UGT1A10: variants seen among roughly 807,000 people sequenced by gnomAD.
The protein encoded by UGT1A10 is UDP-glucuronosyltransferase 1A10.
UGT1A10 carries 49 observed loss-of-function variants against 45.8 expected under a neutral mutation model. The observed-to-expected ratio is 1.07, with a 90% confidence interval of 0.85 to 1.36. The LOEUF (loss-of-function observed/expected upper bound fraction) is 1.36, where lower values mean the gene tolerates loss of function less well. UGT1A10 is among the 40% of genes most tolerant of loss of function. The probability of loss-of-function intolerance (pLI) is 0.00; values close to 1 mark genes in which losing one functional copy is unlikely to be tolerated. For synonymous variants in UGT1A10, 284 were observed against 249.7 expected, an observed-to-expected ratio of 1.14 and a Z score of -1.29; for missense variants, 745 against 668.6, an observed-to-expected ratio of 1.11 and a Z score of -1.26.
At chr2:233,748,014 C>A in intron 1 of UGT1A10, 1 of 1,613,488 alleles carries the variant, frequency 6.2e-7, no homozygotes, top group Non-Finnish European at 8.5e-7. Flanking sequence ...TTACCCCAGG[C>A]CGATCATGCC....
At chr2:233,765,294 GAC>G (rs1698796099) in intron 1 of UGT1A10, among the ~76,000 whole-genome samples, 1 of 152,132 alleles carries the variant, frequency 6.6e-6, no homozygotes, top group Non-Finnish European at 1.5e-5. Flanking sequence ...CTACTATAAA[GAC>G]ACATGCACAT....
chr2:233,682,919 T>C, intron 1 of UGT1A10: 1 of 1,479,824 alleles, frequency 6.8e-7, no homozygotes, highest in Non-Finnish European at 8.9e-7. Flanking sequence ...TAAGGAATTC[T>C]TTTGTACCAA....
chr2:233,760,579 A>T lies in UGT1A10; in HGVS notation c.856-6455A>T. 1.2e-6 allele frequency: 2 copies of T among 1,614,220 alleles called. No homozygotes were observed. Among genetic ancestry groups the T allele is most frequent in the Non-Finnish European group, 1.7e-6 (2 of 1,180,050 alleles). On this transcript the variant is annotated intron_variant, in intron 1 of 4. Transcript: ENST00000344644. ...AGAGTCTTTTGTTAGTCTCGGGCATAATGTTTTTGAGAATGATTCTTTCCT... is the reference window on the plus strand; with the variant it reads ...AGAGTCTTTTGTTAGTCTCGGGCATTATGTTTTTGAGAATGATTCTTTCCT...
At chr2:233,730,586 G>A (rs2078050719) in intron 1 of UGT1A10, among the ~76,000 whole-genome samples, 1 of 152,116 alleles carries the variant, frequency 6.6e-6, no homozygotes, top group Admixed American at 6.6e-5. Context: ...TTCCAGACAG[G>A]GATCTGTGCT....
rs1559330528 is a variant in UGT1A10, at chr2:233,664,481, G to A, written c.855+27104G>A. On this transcript the variant is annotated intron_variant, in intron 1 of 4. Transcript: ENST00000344644. The stretch of plus-strand genomic sequence containing the variant: ...TTTATAAATAAAAGAGGTTTAATTG[G>A]CTCAAGATTTTGCAGGCTGTACAAG... Among the ~76,000 whole-genome samples the A allele has an allele frequency of 4.6e-5, 7 of 152,146 alleles. No individual in the cohort carries two copies. The South Asian group carries it at 1.5e-3, about 32-fold the overall frequency.
At position 233,637,100 on chromosome 2, in the gene UGT1A10, A is replaced by ACT. The variant is rs2073314702; in HGVS notation, c.578_579insCT (p.Leu194PhefsTer3). 1 of 1,613,862 alleles carries ACT rather than the reference A, an allele frequency of 6.2e-7. No individual in the cohort carries two copies. The highest frequency in any genetic ancestry group is 8.5e-7 in the Non-Finnish European group (1 of 1,179,830). ...GCTCCTCTTTCCTATGTCCCCAATG[A>ACT]TCTCTTAGGGTTCTCAGATGCCATG... On this transcript the variant is annotated frameshift_variant, in exon 1 of 5. Coordinates refer to ENST00000344644, the MANE Select transcript of UGT1A10 (RefSeq NM_019075.4). LOFTEE classifies it high-confidence loss of function.
intron 1 of UGT1A10, among the ~76,000 whole-genome samples, chr2:233,642,835 T>G (rs1397477620): frequency 2.0e-5 from 3 of 152,178 alleles, no homozygotes; most frequent in Non-Finnish European, 4.4e-5. Context: ...CACATACTCT[T>G]GCTTTCTTCC....
At chr2:233,688,298 T>A (rs1218432099) in intron 1 of UGT1A10, among the ~76,000 whole-genome samples, 6 of 152,258 alleles carry the variant, frequency 3.9e-5, no homozygotes, top group Non-Finnish European at 8.8e-5. Context: ...GCATTTTTTT[T>A]ATCCATTCAT....
chr2:233,726,266 G>A (rs1303281171), intron 1 of UGT1A10, among the ~76,000 whole-genome samples: 5 of 152,134 alleles, frequency 3.3e-5, no homozygotes, highest in East Asian at 1.9e-4. Context: ...AGTGGCATGC[G>A]CCTATGGTCC....
At chr2:233,767,361 T>C (rs990880937) in intron 2 of UGT1A10, among the ~76,000 whole-genome samples, 196 bp downstream of exon 2, 19 of 152,222 alleles carry the variant, frequency 1.2e-4, no homozygotes, top group African/African-American at 3.6e-4. Flanking sequence ...TCAAATACTC[T>C]ATTAAACTAT....
chr2:233,637,052 T>C lies in UGT1A10; in HGVS notation c.530T>C (p.Leu177Pro), dbSNP rs1172948418. Reference protein sequence around the residue: ...VFTRGIFCHHLEEGAQCPAPL... With the variant: ...VFTRGIFCHHPEEGAQCPAPL... ...ACCAGGGGAATATTTTGCCACCATC[T>C]TGAAGAAGGTGCACAGTGCCCTGCT... Residue 177 changes from leucine (L) to proline (P), a missense_variant, in exon 1 of 5, where the codon CTT becomes CCT. By Grantham distance (98) the Leu-to-Pro change is moderately conservative. Coordinates refer to ENST00000344644, the MANE Select transcript of UGT1A10 (RefSeq NM_019075.4). 1 of 1,614,014 alleles carries C rather than the reference T, an allele frequency of 6.2e-7. No homozygotes were observed. Among genetic ancestry groups the C allele is most frequent in the Non-Finnish European group, 8.5e-7 (1 of 1,179,884 alleles).
intron 1 of UGT1A10, chr2:233,691,142 C>T (rs900476148): frequency 4.1e-6 from 4 of 985,690 alleles, no homozygotes; most frequent in African/African-American, 1.7e-5. Context: ...TCTAGATGAA[C>T]TGTTCTTTGA....
intron 1 of UGT1A10, among the ~76,000 whole-genome samples, chr2:233,667,321 C>T (rs1390315548): frequency 6.6e-6 from 1 of 152,162 alleles, no homozygotes; most frequent in East Asian, 1.9e-4. Context: ...GGAAAACTGG[C>T]TAGCCATTTG....
intron 1 of UGT1A10, among the ~76,000 whole-genome samples, chr2:233,757,535 A>AATGTATATATATATATATATATAT (rs1696552153): frequency 1.1e-5 from 1 of 88,312 alleles, no homozygotes; most frequent in Non-Finnish European, 2.2e-5. Context: ...GCCTGTAAGG[A>AATGTATATATATATATATATATAT]ATATATATAT....
chr2:233,757,438 T>C (rs528123504), intron 1 of UGT1A10, among the ~76,000 whole-genome samples: 24 of 151,360 alleles, frequency 1.6e-4, no homozygotes, highest in African/African-American at 5.8e-4. Flanking sequence ...AAGTCACTTC[T>C]ATACAGAAAC....
At chr2:233,762,715 C>T (rs1406790908) in intron 1 of UGT1A10, among the ~76,000 whole-genome samples, 19 of 149,510 alleles carry the variant, frequency 1.3e-4, no homozygotes, top group Middle Eastern at 3.4e-3. Flanking sequence ...GTATTTTACA[C>T]GGTTTTTTTT....
intron 1 of UGT1A10, among the ~76,000 whole-genome samples, chr2:233,710,430 T>C (rs1440479100): frequency 6.6e-6 from 1 of 152,242 alleles, no homozygotes; most frequent in Non-Finnish European, 1.5e-5. Context: ...AGACTTGCTA[T>C]TTTTAGTCTT....
At position 233,769,778 on chromosome 2, in the gene UGT1A10, C is replaced by T. The variant is rs1165754282; in HGVS notation, c.1295+1339C>T. On this transcript the variant is annotated intron_variant, in intron 4 of 4. Coordinates refer to ENST00000344644, the MANE Select transcript of UGT1A10 (RefSeq NM_019075.4). The surrounding 1 kb of genome is among the most constrained non-coding windows in gnomAD (Gnocchi z 4.4). Reference sequence around the variant, plus strand: ...GCTAAGGCGGGAGGATTGCTTGAGCCCAGAAGTTGGAGGCTGCTATGAGCC... The same window carrying T: ...GCTAAGGCGGGAGGATTGCTTGAGCTCAGAAGTTGGAGGCTGCTATGAGCC... 2 of 1,373,484 alleles carry T rather than the reference C, an allele frequency of 1.5e-6. No individual in the cohort carries two copies. Among genetic ancestry groups the T allele is most frequent in the East Asian group, 5.2e-5 (2 of 38,786 alleles). The allele number at this position is 1,373,484 out of a possible 1,614,324, so 85.1% of individuals were successfully genotyped here.
At position 233,637,170 on chromosome 2, in the gene UGT1A10, C is replaced by A. The variant is rs140439109; in HGVS notation, c.648C>A (p.Asp216Glu). ...RVWNHIVHLE[D>E]HLFCQYLFRN... is the part of the protein sequence containing the mutation. ...GGAACCACATCGTGCACTTGGAGGA[C>A]CATTTATTTTGCCAGTATCTTTTTA... Residue 216 changes from aspartate to glutamate, a missense_variant, in exon 1 of 5, where the codon GAC becomes GAA. Coordinates refer to ENST00000344644, the MANE Select transcript of UGT1A10 (RefSeq NM_019075.4). 74 of 1,613,952 alleles carry A rather than the reference C, an allele frequency of 4.6e-5. 1 individual carries two copies. In the African/African-American group the frequency reaches 6.4e-4, roughly 14 times the overall value.
Sources: allele counts gnomAD v4.1 joint callset (sites outside exome capture counted in the v4.1 genomes callset), GRCh38; gene constraint gnomAD v4.1.1; non-coding constraint Gnocchi (gnomAD v3.1); transcripts MANE v1.5; gene names NCBI Gene and HGNC (gene_info 2026-07-23, HGNC 2026-07-21).